Variants in GPHN observed in about 807,000 individuals in gnomAD.
GPHN encodes the protein gephyrin.
GPHN carries 17 observed loss-of-function variants against 95.5 expected under a neutral mutation model. The ratio of observed to expected loss-of-function variants is 0.18; its 90% CI spans 0.12 to 0.27. The LOEUF is 0.27. Ranked by LOEUF, GPHN falls within the 10% of genes least tolerant of loss-of-function variation. The pLI is 1.00. For synonymous variants in GPHN, 320 were observed against 322.5 expected (o/e 0.99, Z 0.08); for missense variants, 660 against 978.1 (o/e 0.67, Z 4.34).
At chr14:67,692,520 T>A in the GPHN span, 61 of 1,613,426 alleles carry the variant, frequency 3.8e-5, no homozygotes, top group Admixed American at 1.0e-3. Context: ...GCTGGTTCCC[T>A]GTCGTGGTCT....
chr14:66,791,801 A>G (rs2059979250), intron 3 of GPHN, among the ~76,000 whole-genome samples: 1 of 152,170 alleles, frequency 6.6e-6, no homozygotes, highest in Non-Finnish European at 1.5e-5. Context: ...CTGACCCCCT[A>G]GCTCATCCTG....
At chr14:66,826,989 C>T (rs1361363734) in intron 4 of GPHN, among the ~76,000 whole-genome samples, 2 of 152,022 alleles carry the variant, frequency 1.3e-5, no homozygotes, top group East Asian at 3.9e-4. Context: ...CAGGTGTGAT[C>T]TGAAGAGGTT....
chr14:67,416,734 A>T, the GPHN span, among the ~76,000 whole-genome samples: 1 of 152,236 alleles, frequency 6.6e-6, no homozygotes, highest in African/African-American at 2.4e-5. Context: ...CTGGGGCCTC[A>T]TATGTCAGTG....
intron 11 of GPHN, among the ~76,000 whole-genome samples, chr14:67,076,726 T>C (rs944105087): frequency 2.6e-5 from 4 of 152,218 alleles, no homozygotes; most frequent in Admixed American, 2.0e-4. Context: ...ACAATGGGCA[T>C]GAGTAAACTT....
At chr14:67,559,112 T>G in the GPHN span, among the ~76,000 whole-genome samples, 1 of 152,202 alleles carries the variant, frequency 6.6e-6, no homozygotes. Context: ...GCCAGGCTGC[T>G]CCTCTTCAGA....
rs565269684 is a variant in GPHN, at chr14:66,666,250, T to TA, written c.65-14852dup. On this transcript the variant is annotated intron_variant, in intron 1 of 22. Coordinates refer to ENST00000478722, the MANE Select transcript of GPHN (RefSeq NM_020806.5). ...ATGTACCCTAGAACTTAAAGTATAATAAAAATATATATATATAAAATATTA... is the reference window on the plus strand; with the variant it reads ...ATGTACCCTAGAACTTAAAGTATAATAAAAAATATATATATATAAAATATTA... 3.6e-3 allele frequency among the ~76,000 whole-genome samples: 537 copies of TA among 150,402 alleles called. 8 individuals are homozygous for TA. The highest frequency in any genetic ancestry group is 0.012 in the African/African-American group (511 of 41,148).
intron 4 of GPHN, among the ~76,000 whole-genome samples, chr14:66,852,461 A>G (rs2062628338): frequency 6.6e-6 from 1 of 152,252 alleles, no homozygotes; most frequent in Admixed American, 6.5e-5. Flanking sequence ...GAAGAAAGGA[A>G]AGGGGGAGTT....
At chr14:66,842,256 T>C (rs1346444626) in intron 4 of GPHN, among the ~76,000 whole-genome samples, 1 of 152,144 alleles carries the variant, frequency 6.6e-6, no homozygotes, top group African/African-American at 2.4e-5. Context: ...TTACTGCCCC[T>C]GATTCTTTCT....
chr14:67,448,241 C>G, the GPHN span, among the ~76,000 whole-genome samples: 14 of 145,948 alleles, frequency 9.6e-5, no homozygotes, highest in East Asian at 3.0e-3. Context: ...CAGGTTCAAG[C>G]GATTCTCCTG....
chr14:66,960,080 C>A lies in GPHN; in HGVS notation c.829-5111C>A, dbSNP rs2068793470. Reference sequence around the variant, plus strand: ...CGGTGTTAGAATTTGTATTTGGTTTCTTTTTATGATATTTGTCTTTTTATT... The same window carrying A: ...CGGTGTTAGAATTTGTATTTGGTTTATTTTTATGATATTTGTCTTTTTATT... On this transcript the variant is annotated intron_variant, in intron 8 of 22. Transcript: ENST00000478722. Among the ~76,000 whole-genome samples the A allele has an allele frequency of 1.3e-5, 2 of 151,716 alleles. 1 individual carries two copies. The highest frequency in any genetic ancestry group is 4.1e-4 in the South Asian group (2 of 4,822).
chr14:67,088,911 C>G (rs1471301153), intron 11 of GPHN, 72 bp from the exon 12 acceptor site: 3 of 835,478 alleles, frequency 3.6e-6, no homozygotes, highest in Non-Finnish European at 6.3e-6. Flanking sequence ...CACTCATGCC[C>G]ATCTTGTTTA....
chr14:67,593,726 A>G, the GPHN span: 5 of 1,534,152 alleles, frequency 3.3e-6, no homozygotes, highest in Non-Finnish European at 2.7e-6. Context: ...TGTAATACTT[A>G]CCTTTTAAAT....
chr14:67,408,358 A>ATAAAAT, the GPHN span, among the ~76,000 whole-genome samples: 2 of 150,174 alleles, frequency 1.3e-5, no homozygotes, highest in East Asian at 3.9e-4. Context: ...ATAAAATAAA[A>ATAAAAT]AAAGAAAAAA....
chr14:67,210,247 G>T, the GPHN span, among the ~76,000 whole-genome samples: 2 of 152,180 alleles, frequency 1.3e-5, no homozygotes, highest in African/African-American at 4.8e-5. Flanking sequence ...TCGATTTCGT[G>T]AAACAACAGA....
At chr14:67,600,611 C>T in the GPHN span, among the ~76,000 whole-genome samples, 1 of 152,140 alleles carries the variant, frequency 6.6e-6, no homozygotes, top group East Asian at 1.9e-4. Flanking sequence ...AACAAACCCA[C>T]AGTTTGTTTT....
chr14:67,559,743 C>T, the GPHN span: 1 of 1,251,226 alleles, frequency 8.0e-7, no homozygotes, highest in Non-Finnish European at 1.1e-6. Context: ...CTGGGCCTGC[C>T]CTGACCCCCG....
chr14:67,397,667 G>A, the GPHN span: 70 of 1,610,100 alleles, frequency 4.3e-5, no homozygotes, highest in Middle Eastern at 1.6e-4. Context: ...CTTACCGGTC[G>A]GTTTTCATAC....
intron 2 of GPHN, among the ~76,000 whole-genome samples, chr14:66,691,501 A>G (rs1016832971): frequency 2.0e-5 from 3 of 152,120 alleles, no homozygotes; most frequent in African/African-American, 7.2e-5. Context: ...TTTTTAAGTG[A>G]TTAAAAAAAA....
At chr14:67,107,479 C>T (rs2078108721) in intron 13 of GPHN, among the ~76,000 whole-genome samples, 2 of 152,118 alleles carry the variant, frequency 1.3e-5, no homozygotes, top group African/African-American at 2.4e-5. Context: ...CTGGTTGTAC[C>T]TGTGATTTTA....
Sources: gnomAD v4.1 joint callset for allele counts (sites outside exome capture counted in the v4.1 genomes callset) on GRCh38, gnomAD v4.1.1 for gene constraint, MANE v1.5 for transcripts, NCBI Gene and HGNC (gene_info 2026-07-23, HGNC 2026-07-21) for gene names.